The following SORL1 variants were observed in gnomAD, a reference collection of about 807,000 sequenced individuals.
SORL1 encodes the protein sortilin related receptor 1, also known as sortilin-related receptor.
Under a neutral mutation model 273.7 loss-of-function variants are expected in SORL1, and 127 were observed. The ratio of observed to expected loss-of-function variants is 0.46; its 90% CI spans 0.40 to 0.54. SORL1 has a LOEUF of 0.54. Among genes scored for constraint, SORL1 ranks in the 20% least tolerant of loss-of-function variants. The pLI is 0.00. For synonymous variants in SORL1, 1,031 were observed against 1,067.4 expected (o/e 0.97, Z 0.66); for missense variants, 2,494 against 2,846.1 (o/e 0.88, Z 2.81).
In SORL1 at chr11:121,452,863, G is replaced by A. The variant is rs190474056; in HGVS notation, c.285+247G>A. 1 of 446,332 alleles carries A rather than the reference G, an allele frequency of 2.2e-6. No homozygotes were observed. Among genetic ancestry groups the A allele is most frequent in the Non-Finnish European group, 3.9e-6 (1 of 253,638 alleles). The allele number at this position is 446,332 out of a possible 1,614,324, so 27.6% of individuals were successfully genotyped here. On this transcript the variant is annotated intron_variant, in intron 1 of 47. Transcript: ENST00000260197. This position sits in a 1 kb window ranked among gnomAD's most constrained non-coding sequence, Gnocchi z 5.3. ...CGGGTGCAGTGCGTATTACCCCAGG[G>A]TGTGTGCAGAGAGATGTAGTTTCCG...
At chr11:121,566,863 G>A (rs1862761652) in intron 21 of SORL1, 77 bp from the exon 22 acceptor site, 3 of 1,381,052 alleles carry the variant, frequency 2.2e-6, no homozygotes, top group Non-Finnish European at 2.9e-6. Context: ...GGAGGTTGCA[G>A]TGGGTCTCCT....
At chr11:121,497,111 T>G in intron 6 of SORL1, 62 bp downstream of exon 6, 1 of 1,447,632 alleles carries the variant, frequency 6.9e-7, no homozygotes, top group Non-Finnish European at 9.5e-7. Context: ...TTTGGCATTC[T>G]GTGATTAAAC....
rs1862496940 is a variant in SORL1 at position 121,550,745 on chromosome 11, G to C, written c.2266+75G>C. Reference sequence around the variant, plus strand: ...AGTATCACGATCTCACCCAAGTCCGGGCTTGTGGCTCCTTTAATTGAGTGG... The same window carrying C: ...AGTATCACGATCTCACCCAAGTCCGCGCTTGTGGCTCCTTTAATTGAGTGG... On this transcript the variant is annotated intron_variant, in intron 16 of 47. Transcript: ENST00000260197. This position sits in a 1 kb window ranked among gnomAD's most constrained non-coding sequence, Gnocchi z 5.3. 1 of 1,130,576 alleles carries C rather than the reference G, an allele frequency of 8.8e-7. No individual in the cohort carries two copies. The highest frequency in any genetic ancestry group is 1.6e-5 in the African/African-American group (1 of 64,480). The allele number at this position is 1,130,576 out of a possible 1,614,324, so 70.0% of individuals were successfully genotyped here. A position where few individuals can be genotyped will look rare whatever the true frequency, so the allele number is the denominator to read the frequency against.
In SORL1 at chr11:121,498,875, CA is replaced by C. The variant is rs5795273; in HGVS notation, c.939+1840del. The stretch of plus-strand genomic sequence containing the variant: ...TGAGCAACAGAGCAAGACTCTGTCT[CA>C]AAAAAAAAAAAAAGTTATATTCTAG... On this transcript the variant is annotated intron_variant, in intron 6 of 47. Transcript: ENST00000260197. Among the ~76,000 whole-genome samples the C allele has an allele frequency of 3.5e-3, 506 of 144,506 alleles. 6 individuals carry two copies. Among genetic ancestry groups the C allele is most frequent in the African/African-American group, 0.012 (464 of 38,966 alleles). The allele number at this position is 144,506 out of a possible 152,430, so 94.8% of individuals were successfully genotyped here.
chr11:121,619,659 A>G (rs1329821618), intron 42 of SORL1, 94 bp from the exon 43 acceptor site: 34 of 1,027,320 alleles, frequency 3.3e-5, no homozygotes, highest in Non-Finnish European at 4.6e-5. Flanking sequence ...ACTGAATTTT[A>G]ATTGTTGTCA....
chr11:121,624,105 C>T lies in SORL1; in HGVS notation c.6172-980C>T, dbSNP rs111782055. On this transcript the variant is annotated intron_variant, in intron 45 of 47. Transcript: ENST00000260197. Reference sequence around the variant, plus strand: ...ACCATGAGAACAGTATAGGGGAAGCCGCACCCATGATCCAGTGATCTCTCA... The same window carrying T: ...ACCATGAGAACAGTATAGGGGAAGCTGCACCCATGATCCAGTGATCTCTCA... Among the ~76,000 whole-genome samples the T allele has an allele frequency of 2.0e-3, 301 of 152,256 alleles. 2 individuals carry two copies. Among genetic ancestry groups the T allele is most frequent in the African/African-American group, 6.6e-3 (272 of 41,524 alleles).
intron 20 of SORL1, among the ~76,000 whole-genome samples, chr11:121,559,111 C>T (rs1862635646): frequency 6.6e-6 from 1 of 152,188 alleles, no homozygotes; most frequent in South Asian, 2.1e-4. Context: ...TCAGTAGCCT[C>T]ATTTCAGGGT....
intron 3 of SORL1, among the ~76,000 whole-genome samples, chr11:121,481,588 C>T (rs1241143975): frequency 5.0e-5 from 5 of 99,432 alleles, no homozygotes; most frequent in African/African-American, 9.2e-5. Context: ...CCAGCTCCTC[C>T]CCTAGTGCAC....
In SORL1 at chr11:121,557,414, TG is replaced by T; in HGVS notation, c.2663+10del. 1 of 1,604,336 alleles carries T rather than the reference TG, an allele frequency of 6.2e-7. No individual in the cohort carries two copies. Among genetic ancestry groups the T allele is most frequent in the Non-Finnish European group, 8.5e-7 (1 of 1,171,026 alleles). ...CTCGTGCCCCAAGAGGGGTAAGTGT[TG>T]CCCCAAAAGGAAATCAGTCTTGCGT... On this transcript the variant is annotated intron_variant, in intron 19 of 47. Coordinates refer to ENST00000260197, the MANE Select transcript of SORL1 (RefSeq NM_003105.6).
rs1409552072 is a variant in SORL1 at position 121,607,304 on chromosome 11, T to A, written c.5166+14T>A. On this transcript the variant is annotated intron_variant, in intron 37 of 47. Coordinates refer to ENST00000260197, the MANE Select transcript of SORL1 (RefSeq NM_003105.6). The stretch of plus-strand genomic sequence containing the variant: ...TACACCGTCAGAGTGAGTGTCGTCA[T>A]CCATTCCAGCCATCCATGCAGTCTT... 15 of 1,424,778 alleles carry A rather than the reference T, an allele frequency of 1.1e-5. No homozygotes were observed. Among genetic ancestry groups the A allele is most frequent in the Non-Finnish European group, 1.5e-5 (15 of 1,008,748 alleles). 88.3% of individuals were successfully genotyped at this position (1,424,778 alleles called of 1,614,324 possible).
At chr11:121,579,456 T>G (rs540240211) in intron 25 of SORL1, among the ~76,000 whole-genome samples, 4 of 152,364 alleles carry the variant, frequency 2.6e-5, no homozygotes, top group East Asian at 1.9e-4. Flanking sequence ...TCTTTGCTTT[T>G]CTTTTCGCCA....
chr11:121,578,021 G>A (rs1413623879), intron 25 of SORL1, among the ~76,000 whole-genome samples: 1 of 152,156 alleles, frequency 6.6e-6, no homozygotes, highest in Non-Finnish European at 1.5e-5. Context: ...GAGTTGAGAA[G>A]CTTGTGGAGA....
intron 42 of SORL1, 62 bp from the exon 43 acceptor site, chr11:121,619,686 ATACTT>A: frequency 8.3e-7 from 1 of 1,203,278 alleles, no homozygotes; most frequent in Non-Finnish European, 1.2e-6. Context: ...TGTTGAAAAA[ATACTT>A]TAATAAAGAT....
In SORL1 at chr11:121,550,126, G is replaced by A. The variant is rs761698737; in HGVS notation, c.2180+38G>A. 38 of 1,599,508 alleles carry A rather than the reference G, an allele frequency of 2.4e-5. No individual in the cohort carries two copies. The highest frequency in any genetic ancestry group is 5.2e-5 in the Admixed American group (3 of 58,034). ...GAGGTTGCCCTGTCAGGTTCTCAGC[G>A]GTCCGCACATGGAGCGAGAGAGCAT... On this transcript the variant is annotated intron_variant, in intron 15 of 47. Coordinates refer to ENST00000260197, the MANE Select transcript of SORL1 (RefSeq NM_003105.6). The surrounding 1 kb of genome is among the most constrained non-coding windows in gnomAD (Gnocchi z 5.3).
At chr11:121,488,377 C>T (rs577991083) in intron 4 of SORL1, among the ~76,000 whole-genome samples, 184 bp downstream of exon 4, 22 of 152,292 alleles carry the variant, frequency 1.4e-4, no homozygotes, top group Non-Finnish European at 2.8e-4. Context: ...CTGGCACTCT[C>T]AGTTGGCAGC....
intron 25 of SORL1, among the ~76,000 whole-genome samples, chr11:121,577,774 C>T (rs961943384): frequency 2.0e-5 from 3 of 152,144 alleles, no homozygotes; most frequent in African/African-American, 7.2e-5. Flanking sequence ...GGGGGTTCCC[C>T]AGACAAGGAA....
At position 121,588,185 on chromosome 11, in the gene SORL1, G is replaced by A. The variant is rs781078140; in HGVS notation, c.3946+34G>A. The A allele has an allele frequency of 6.2e-6, 10 of 1,609,504 alleles. No homozygotes were observed. The African/African-American group carries it at 1.1e-4, about 17-fold the overall frequency. ...GGGCAGGCAGGGGAGGTGACTCACG[G>A]TCACTAAAGAACTTGCATGGGGGTT... is the stretch of plus-strand genomic sequence containing the variant. On this transcript the variant is annotated intron_variant, in intron 28 of 47. Coordinates refer to ENST00000260197, the MANE Select transcript of SORL1 (RefSeq NM_003105.6).
chr11:121,496,251 G>A (rs1281439663), intron 5 of SORL1, among the ~76,000 whole-genome samples: 1 of 152,264 alleles, frequency 6.6e-6, no homozygotes, highest in East Asian at 1.9e-4. Context: ...CAAAAGCACA[G>A]TGGGAGAAAG....
intron 2 of SORL1, among the ~76,000 whole-genome samples, chr11:121,471,212 C>T (rs374990863): frequency 2.0e-5 from 3 of 152,230 alleles, no homozygotes; most frequent in East Asian, 1.9e-4. Context: ...AGCATGCTTC[C>T]GAGGAGCATT....
Sources: allele counts gnomAD v4.1 joint callset (sites outside exome capture counted in the v4.1 genomes callset), GRCh38; gene constraint gnomAD v4.1.1; non-coding constraint Gnocchi (gnomAD v3.1); transcripts MANE v1.5; gene names NCBI Gene and HGNC (gene_info 2026-07-23, HGNC 2026-07-21).